The following ARHGEF33 variants were observed in gnomAD, a reference collection of about 807,000 sequenced individuals.
ARHGEF33 encodes Rho guanine nucleotide exchange factor 33.
Under a neutral mutation model 101.9 loss-of-function variants are expected in ARHGEF33, and 72 were observed. That is an observed-to-expected ratio of 0.71 (90% confidence interval 0.58 to 0.86). ARHGEF33 has a LOEUF of 0.86. ARHGEF33 is among the 40% of genes least tolerant of loss of function. The pLI is 0.00. For missense variants in ARHGEF33, 1,169 were observed against 1,111.3 expected (o/e 1.05, Z -0.74); for synonymous variants, 499 against 442.5 (o/e 1.13, Z -1.60).
At chr2:38,920,574 AT>A (rs1666734640) in intron 3 of ARHGEF33, among the ~76,000 whole-genome samples, 1 of 151,472 alleles carries the variant, frequency 6.6e-6, no homozygotes, top group African/African-American at 2.4e-5. Flanking sequence ...CAGCCAGCTA[AT>A]TTTTGTGTTT....
intron 16 of ARHGEF33, among the ~76,000 whole-genome samples, chr2:38,964,672 CG>C (rs1668016185): frequency 6.6e-6 from 1 of 151,824 alleles, no homozygotes; most frequent in Non-Finnish European, 1.5e-5. Context: ...CAATGGGGAG[CG>C]GCTATAAATA....
intron 2 of ARHGEF33, among the ~76,000 whole-genome samples, chr2:38,910,817 C>T (rs967141996): frequency 1.8e-4 from 27 of 152,096 alleles, no homozygotes; most frequent in Admixed American, 3.9e-4. Flanking sequence ...GAATTGATAC[C>T]TTTTTTTAGT....
At position 38,951,078 on chromosome 2, in the gene ARHGEF33, A is replaced by T. The variant is rs1239349992; in HGVS notation, c.1010A>T (p.Gln337Leu). ...GAAAGGGTCCTGAAGTGGCCACGCC[A>T]AGGCGTTCTTGGAGATTTATTCCTT... ...LQERVLKWPR[Q>L]GVLGDLFLKL... The change falls in exon 11 of 18, where the codon CAA (glutamine) becomes CTA (leucine). Residue 337 changes from glutamine (Q) to leucine (L), a missense_variant. Gln to Leu is a moderately radical substitution (Grantham distance 113). Transcript: ENST00000409978. The T allele has an allele frequency of 6.4e-7, 1 of 1,551,886 alleles. No individual in the cohort carries two copies. Among genetic ancestry groups the T allele is most frequent in the Non-Finnish European group, 8.7e-7 (1 of 1,147,068 alleles).
intron 9 of ARHGEF33, among the ~76,000 whole-genome samples, chr2:38,939,660 A>G (rs983725229): frequency 6.6e-6 from 1 of 152,050 alleles, no homozygotes; most frequent in Non-Finnish European, 1.5e-5. Flanking sequence ...CCATTGCCCA[A>G]CTTTTTTTGA....
intron 17 of ARHGEF33, among the ~76,000 whole-genome samples, chr2:38,970,243 C>T (rs1003277090): frequency 1.3e-5 from 2 of 152,208 alleles, no homozygotes; most frequent in African/African-American, 4.8e-5. Flanking sequence ...CTTAATCACA[C>T]ACAGAGAGAG....
intron 15 of ARHGEF33, among the ~76,000 whole-genome samples, chr2:38,958,604 G>T (rs1017192453): frequency 6.6e-6 from 1 of 152,194 alleles, no homozygotes; most frequent in Non-Finnish European, 1.5e-5. Flanking sequence ...GAATTCAAAT[G>T]AGGTCAATAT....
At chr2:38,943,627 A>C (rs1667367634) in intron 9 of ARHGEF33, among the ~76,000 whole-genome samples, 1 of 152,068 alleles carries the variant, frequency 6.6e-6, no homozygotes, top group South Asian at 2.1e-4. Flanking sequence ...CCTTATTTGC[A>C]CTATCTATAT....
chr2:38,899,087 T>A (rs1000225036), intron 2 of ARHGEF33, among the ~76,000 whole-genome samples: 3 of 152,190 alleles, frequency 2.0e-5, no homozygotes, highest in Non-Finnish European at 4.4e-5. Flanking sequence ...TTCTGTGGTT[T>A]TTTTTAGGGA....
At chr2:38,897,592 A>G (rs887998460) in intron 2 of ARHGEF33, among the ~76,000 whole-genome samples, 2 of 152,226 alleles carry the variant, frequency 1.3e-5, no homozygotes, top group African/African-American at 4.8e-5. Flanking sequence ...CCCAGTAAGA[A>G]AATGAACCTA....
chr2:38,965,506 C>T (rs1262090477), intron 16 of ARHGEF33, among the ~76,000 whole-genome samples: 2 of 152,168 alleles, frequency 1.3e-5, no homozygotes, highest in Admixed American at 6.5e-5. Context: ...TCAAAAATGC[C>T]TTCCCTCGAT....
chr2:38,935,685 C>A, intron 7 of ARHGEF33, 90 bp from the exon 8 acceptor site: 1 of 1,008,492 alleles, frequency 9.9e-7, no homozygotes, highest in South Asian at 1.5e-5. Flanking sequence ...ACTACAATCT[C>A]TGAGTCTGCC....
intron 2 of ARHGEF33, among the ~76,000 whole-genome samples, chr2:38,909,915 T>A (rs935191125): frequency 2.0e-5 from 3 of 152,208 alleles, no homozygotes; most frequent in Non-Finnish European, 2.9e-5. Flanking sequence ...TAATTTTTAT[T>A]TTTTTGCTGA....
chr2:38,933,546 G>A (rs948407556), intron 7 of ARHGEF33, among the ~76,000 whole-genome samples: 2 of 152,086 alleles, frequency 1.3e-5, no homozygotes, highest in African/African-American at 4.8e-5. Context: ...ACCATGCCTT[G>A]CTAATTTTTG....
At chr2:38,928,544 C>T (rs1389199203) in intron 4 of ARHGEF33, among the ~76,000 whole-genome samples, 1 of 152,140 alleles carries the variant, frequency 6.6e-6, no homozygotes, top group African/African-American at 2.4e-5. Context: ...TTTCTTCTTT[C>T]ACAGAATTCA....
chr2:38,932,542 C>T (rs1192581715), intron 7 of ARHGEF33, among the ~76,000 whole-genome samples: 1 of 152,094 alleles, frequency 6.6e-6, no homozygotes, highest in Non-Finnish European at 1.5e-5. Flanking sequence ...TTGCAGGTGG[C>T]TCTATTTTCT....
rs189394158 is a variant in ARHGEF33 at position 38,970,041 on chromosome 2, A to G, written c.2484-3673A>G. ...GGATCACGTGAGATAACTTAGGAGT[A>G]GGGAATGTAGATGGTACTCTCTCTT... On this transcript the variant is annotated intron_variant, in intron 17 of 17. Coordinates refer to ENST00000409978, the MANE Select transcript of ARHGEF33 (RefSeq NM_001145451.5). 9.8e-4 allele frequency among the ~76,000 whole-genome samples: 149 copies of G among 152,358 alleles called. 3 individuals carry two copies. The highest frequency in any genetic ancestry group is 1.6e-4 in the Non-Finnish European group (11 of 68,034).
intron 2 of ARHGEF33, among the ~76,000 whole-genome samples, chr2:38,918,619 A>G (rs1050603917): frequency 6.6e-6 from 1 of 152,190 alleles, no homozygotes; most frequent in Non-Finnish European, 1.5e-5. Flanking sequence ...TTTGCTAAGC[A>G]TTTCCTGGGT....
At chr2:38,904,909 A>G (rs907885758) in intron 2 of ARHGEF33, among the ~76,000 whole-genome samples, 2 of 152,160 alleles carry the variant, frequency 1.3e-5, no homozygotes, top group African/African-American at 4.8e-5. Context: ...GACAATGAAA[A>G]GCAAAGGAGA....
chr2:38,940,540 A>G (rs1667277311), intron 9 of ARHGEF33, among the ~76,000 whole-genome samples: 1 of 148,822 alleles, frequency 6.7e-6, no homozygotes, highest in Non-Finnish European at 1.5e-5. Context: ...TTCCCTTTAT[A>G]TTTCTCCTCT....
Sources: allele counts gnomAD v4.1 joint callset (sites outside exome capture counted in the v4.1 genomes callset), GRCh38; gene constraint gnomAD v4.1.1; transcripts MANE v1.5; gene names NCBI Gene and HGNC (gene_info 2026-07-23, HGNC 2026-07-21).